Variants in CNTN5 observed in about 807,000 individuals in gnomAD.
CNTN5 encodes the protein contactin-5.
A neutral mutation model predicts 129.1 loss-of-function variants in CNTN5; 77 were observed. That is an observed-to-expected ratio of 0.60 (90% CI 0.50 to 0.72). CNTN5 has a LOEUF of 0.72. Ranked by LOEUF, CNTN5 falls within the 30% of genes least tolerant of loss-of-function variation. CNTN5 has a pLI of 0.00. For synonymous variants in CNTN5, 509 were observed against 465.6 expected (o/e 1.09, Z -1.20); for missense variants, 1,478 against 1,328.8 (o/e 1.11, Z -1.75).
chr11:100,180,382 A>G (rs1197495826), intron 13 of CNTN5, among the ~76,000 whole-genome samples: 1 of 151,950 alleles, frequency 6.6e-6, no homozygotes, highest in Non-Finnish European at 1.5e-5. Context: ...CTTTTGGAAA[A>G]TGGTGCTAGA....
intron 9 of CNTN5, among the ~76,000 whole-genome samples, chr11:100,018,970 G>A (rs1221398908): frequency 6.6e-6 from 1 of 151,832 alleles, no homozygotes; most frequent in Non-Finnish European, 1.5e-5. Flanking sequence ...TTAATAGCTT[G>A]CCAATATTTT....
intron 2 of CNTN5, among the ~76,000 whole-genome samples, chr11:99,499,331 T>C (rs984118993): frequency 4.6e-5 from 7 of 152,024 alleles, no homozygotes; most frequent in Admixed American, 4.6e-4. Context: ...ATTTAGGAGG[T>C]TATAAGGCCA....
At chr11:99,996,815 GA>G (rs1457500830) in intron 8 of CNTN5, among the ~76,000 whole-genome samples, 2 of 152,068 alleles carry the variant, frequency 1.3e-5, no homozygotes, top group African/African-American at 4.8e-5. Context: ...AGGGAGCATG[GA>G]AAACTGCCAC....
chr11:99,768,081 T>C (rs1944817499), intron 3 of CNTN5, among the ~76,000 whole-genome samples: 1 of 152,116 alleles, frequency 6.6e-6, no homozygotes, highest in East Asian at 1.9e-4. Flanking sequence ...AGTTGAGTAG[T>C]TGTGACAGAG....
chr11:99,139,103 C>A (rs1217421128), intron 1 of CNTN5, among the ~76,000 whole-genome samples: 1 of 1,114 alleles, frequency 9.0e-4, no homozygotes, highest in Non-Finnish European at 1.6e-3. Context: ...CCCTCCCCAC[C>A]CCCCCCCCCC....
intron 1 of CNTN5, among the ~76,000 whole-genome samples, chr11:99,097,758 T>G (rs1397539514): frequency 6.6e-6 from 1 of 151,928 alleles, no homozygotes. Context: ...GAAAGCACCT[T>G]AGTTTTAAAT....
At chr11:99,862,319 A>G (rs905515638) in intron 6 of CNTN5, among the ~76,000 whole-genome samples, 1 of 151,364 alleles carries the variant, frequency 6.6e-6, no homozygotes, top group South Asian at 2.1e-4. Context: ...GTCCATTGAA[A>G]CTCTTCGGCC....
At chr11:100,068,043 A>G (rs1943762848) in intron 10 of CNTN5, among the ~76,000 whole-genome samples, 1 of 152,120 alleles carries the variant, frequency 6.6e-6, no homozygotes, top group African/African-American at 2.4e-5. Flanking sequence ...TCATTTCTGT[A>G]ACTTTTAAAA....
At chr11:100,292,983 G>A (rs1299842816) in intron 18 of CNTN5, among the ~76,000 whole-genome samples, 1 of 151,900 alleles carries the variant, frequency 6.6e-6, no homozygotes, top group African/African-American at 2.4e-5. Context: ...CCATGATGGT[G>A]ACTTAGAAAA....
At chr11:99,720,440 CTT>C (rs1402511762) in intron 3 of CNTN5, among the ~76,000 whole-genome samples, 1 of 151,422 alleles carries the variant, frequency 6.6e-6, no homozygotes, top group African/African-American at 2.4e-5. Flanking sequence ...GTAGAAAATG[CTT>C]TTGATAAAAT....
At chr11:100,339,474 C>A (rs1347354720) in intron 21 of CNTN5, among the ~76,000 whole-genome samples, 2 of 151,976 alleles carry the variant, frequency 1.3e-5, no homozygotes, top group Admixed American at 6.6e-5. Context: ...TGTTTCTCTG[C>A]ACAGGACGGT....
chr11:99,796,632 G>A (rs981222298), intron 3 of CNTN5, among the ~76,000 whole-genome samples: 3 of 151,522 alleles, frequency 2.0e-5, no homozygotes, highest in Non-Finnish European at 4.4e-5. Context: ...CTCCAGGTGA[G>A]GCCAGCAGAC....
chr11:99,640,654 C>G (rs1324508261), intron 3 of CNTN5, among the ~76,000 whole-genome samples: 1 of 152,076 alleles, frequency 6.6e-6, no homozygotes, highest in African/African-American at 2.4e-5. Flanking sequence ...TTATAATTGC[C>G]TACAGTATTC....
chr11:99,479,276 T>A (rs1945498414), intron 2 of CNTN5, among the ~76,000 whole-genome samples: 1 of 151,748 alleles, frequency 6.6e-6, no homozygotes, highest in Admixed American at 6.6e-5. Context: ...CTTTTTTTTT[T>A]ACTATTTTAT....
At chr11:99,325,826 C>A (rs573715638) in intron 2 of CNTN5, among the ~76,000 whole-genome samples, 2 of 152,258 alleles carry the variant, frequency 1.3e-5, no homozygotes, top group South Asian at 4.2e-4. Context: ...TCAGATATAG[C>A]CTCCTGTTCC....
At chr11:99,167,589 G>C (rs1860931788) in intron 1 of CNTN5, among the ~76,000 whole-genome samples, 1 of 152,030 alleles carries the variant, frequency 6.6e-6, no homozygotes, top group Non-Finnish European at 1.5e-5. Context: ...CTCATATGAG[G>C]CAAAACCAAA....
intron 15 of CNTN5, among the ~76,000 whole-genome samples, chr11:100,197,666 T>A (rs532852809): frequency 1.3e-5 from 2 of 152,118 alleles, no homozygotes; most frequent in East Asian, 3.9e-4. Context: ...GCCACTGTTT[T>A]CCAGTGACTT....
Position 99,079,212 on chromosome 11 carries a change from T to G in CNTN5, c.-210+57942T>G, listed in dbSNP as rs1489114977. Among the ~76,000 whole-genome samples, 6 of 152,042 alleles carry G rather than the reference T, an allele frequency of 3.9e-5. No individual in the cohort carries two copies. In the South Asian group the frequency reaches 8.3e-4, roughly 21 times the overall value. On this transcript the variant is annotated intron_variant, in intron 1 of 24. Coordinates refer to ENST00000524871, the MANE Select transcript of CNTN5 (RefSeq NM_014361.4). ...ATAATTAGTTAGAGGAAAACAGAAC[T>G]TAGAAGAGGCAGATATGAAAGACAG...
intron 1 of CNTN5, among the ~76,000 whole-genome samples, chr11:99,030,781 T>TC (rs1491154504): frequency 2.0e-3 from 90 of 45,094 alleles, no homozygotes; most frequent in African/African-American, 6.5e-3. Context: ...GCTAACTCTC[T>TC]TTTTTTTTTT....
Sources: gnomAD v4.1 joint callset for allele counts (sites outside exome capture counted in the v4.1 genomes callset) on GRCh38, gnomAD v4.1.1 for gene constraint, MANE v1.5 for transcripts, NCBI Gene and HGNC (gene_info 2026-07-23, HGNC 2026-07-21) for gene names.